Variants in SEPTIN10 observed in about 807,000 individuals in gnomAD.
SEPTIN10 encodes septin 10, also known as septin-10.
A neutral mutation model predicts 54.8 loss-of-function variants in SEPTIN10; 66 were observed. The observed-to-expected ratio is 1.21, with a 90% confidence interval of 0.99 to 1.48. The LOEUF is 1.48. Among genes scored for constraint, SEPTIN10 ranks in the 40% most tolerant of loss-of-function variants. SEPTIN10 has a pLI of 0.00. For synonymous variants in SEPTIN10, 161 were observed against 181.0 expected (o/e 0.89, Z 0.89); for missense variants, 620 against 545.6 (o/e 1.14, Z -1.36).
chr2:109,586,935 G>A (rs1208951200), intron 2 of SEPTIN10, among the ~76,000 whole-genome samples: 3 of 152,088 alleles, frequency 2.0e-5, no homozygotes, highest in African/African-American at 7.2e-5. Flanking sequence ...AGACTCTGCA[G>A]AAGAAGAAAA....
At chr2:109,545,935 T>C (rs970955440) in intron 10 of SEPTIN10, 115 bp downstream of exon 10, 1 of 1,459,224 alleles carries the variant, frequency 6.9e-7, no homozygotes, top group Non-Finnish European at 9.1e-7. Context: ...TGACATTTAG[T>C]TGGAGAAGGA....
intron 5 of SEPTIN10, among the ~76,000 whole-genome samples, chr2:109,569,454 A>G (rs1199016714): frequency 6.7e-6 from 1 of 150,320 alleles, no homozygotes; most frequent in Non-Finnish European, 1.5e-5. Flanking sequence ...AAAAAAAAAA[A>G]AGGAAAAAAT....
intron 1 of SEPTIN10, among the ~76,000 whole-genome samples, chr2:109,609,600 A>G (rs1698779943): frequency 7.1e-6 from 1 of 140,730 alleles, no homozygotes; most frequent in African/African-American, 2.7e-5. Flanking sequence ...TGGGTGACAG[A>G]GCAAGACTCC....
intron 10 of SEPTIN10, chr2:109,545,271 A>G: frequency 7.1e-7 from 1 of 1,403,972 alleles, no homozygotes; most frequent in Non-Finnish European, 9.3e-7. Flanking sequence ...TTAAACCGAC[A>G]GGGATACTTA....
chr2:109,572,758 AGGCATGTGCCATCATGCC>A (rs1688717865), intron 5 of SEPTIN10, among the ~76,000 whole-genome samples: 1 of 151,934 alleles, frequency 6.6e-6, no homozygotes, highest in African/African-American at 2.4e-5. Context: ...CTGGGGCTAC[AGGCATGTGCCATCATGCC>A]TGGCTAATTT....
intron 10 of SEPTIN10, chr2:109,545,469 C>T (rs892474727): frequency 1.1e-5 from 17 of 1,536,122 alleles, no homozygotes; most frequent in Middle Eastern, 1.7e-4. Flanking sequence ...CCTTTCTCTG[C>T]GTCTTTACGT....
intron 2 of SEPTIN10, among the ~76,000 whole-genome samples, chr2:109,591,722 A>AC (rs917413950): frequency 1.3e-5 from 2 of 151,718 alleles, no homozygotes; most frequent in African/African-American, 4.8e-5. Context: ...CACGAGCAAA[A>AC]CCCCGTCTCT....
chr2:109,571,858 A>T (rs1021382534), intron 5 of SEPTIN10, among the ~76,000 whole-genome samples: 1 of 152,222 alleles, frequency 6.6e-6, no homozygotes, highest in Non-Finnish European at 1.5e-5. Context: ...CTGAAAATCC[A>T]CTAAGGGACT....
chr2:109,584,024 A>T (rs2105747625), intron 4 of SEPTIN10, among the ~76,000 whole-genome samples: 1 of 152,286 alleles, frequency 6.6e-6, no homozygotes, highest in African/African-American at 2.4e-5. Context: ...AGGCTGAAAA[A>T]CTAACTATTG....
intron 5 of SEPTIN10, among the ~76,000 whole-genome samples, chr2:109,570,148 A>G (rs962505184): frequency 3.3e-5 from 5 of 152,304 alleles, no homozygotes; most frequent in African/African-American, 1.2e-4. Flanking sequence ...TAGTTTGTAC[A>G]ATAGAAAGCT....
In SEPTIN10 at chr2:109,546,124, A is replaced by G; in HGVS notation, c.1275T>C (p.Ala425=). 2 of 1,611,314 alleles carry G rather than the reference A, an allele frequency of 1.2e-6. No individual in the cohort carries two copies. Residue 425 remains alanine, a synonymous_variant, in exon 10 of 11, where the codon GCT becomes GCC. Coordinates refer to ENST00000397712, the MANE Select transcript of SEPTIN10 (RefSeq NM_144710.5). ...ACTGGCTGTGAAATATCTCGGAGGT[A>G]GCTTTCTTTTTAGAGAAAGCAATTA... The part of the protein sequence containing the change: ...EEIIAFSKKK[A]TSEIFHSQSF...
chr2:109,544,564 G>A lies in SEPTIN10; in HGVS notation c.1350-240C>T, dbSNP rs547911141. On this transcript the variant is annotated intron_variant, in intron 10 of 10. Coordinates refer to ENST00000397712, the MANE Select transcript of SEPTIN10 (RefSeq NM_144710.5). ...GCAGGGTTCTCAAGTGGAGCAGGGT[G>A]ATAATTTTTACAAGGTAAATGTAAA... 15 of 982,914 alleles carry A rather than the reference G, an allele frequency of 1.5e-5. No homozygotes were observed. The Admixed American group carries it at 8.6e-4, about 56-fold the overall frequency. The allele number at this position is 982,914 out of a possible 1,614,324, so 60.9% of individuals were successfully genotyped here.
chr2:109,572,553 T>C (rs1688647040), intron 5 of SEPTIN10, among the ~76,000 whole-genome samples: 1 of 151,176 alleles, frequency 6.6e-6, no homozygotes, highest in Non-Finnish European at 1.5e-5. Context: ...TCCTAACCCC[T>C]CTTGACTGCC....
At position 109,613,860 on chromosome 2, in the gene SEPTIN10, A is replaced by G. The variant is rs953110767; in HGVS notation, c.-33T>C. The G allele has an allele frequency of 1.5e-5, 18 of 1,233,180 alleles. No individual in the cohort carries two copies. In the African/African-American group the frequency reaches 2.6e-4, roughly 18 times the overall value. The allele number at this position is 1,233,180 out of a possible 1,614,324, so 76.4% of individuals were successfully genotyped here. A position where few individuals can be genotyped will look rare whatever the true frequency, so the allele number is the denominator to read the frequency against. ...GGCAGGGGCACGGTGAAGCGGCTGT[A>G]TCAGCCCGGCCCCGAGCGGCTGGTC... On this transcript the variant is annotated 5_prime_UTR_variant, in exon 1 of 11. Coordinates refer to ENST00000397712, the MANE Select transcript of SEPTIN10 (RefSeq NM_144710.5).
At chr2:109,572,359 T>TCA (rs2105376557) in intron 5 of SEPTIN10, among the ~76,000 whole-genome samples, 1 of 152,176 alleles carries the variant, frequency 6.6e-6, no homozygotes, top group East Asian at 1.9e-4. Flanking sequence ...GGTCTCGATC[T>TCA]CCTGACCTTG....
At chr2:109,610,902 A>C (rs1041927049) in intron 1 of SEPTIN10, among the ~76,000 whole-genome samples, 4 of 152,208 alleles carry the variant, frequency 2.6e-5, no homozygotes, top group African/African-American at 4.8e-5. Context: ...ACAGAACTAG[A>C]ATAGCTAAAA....
chr2:109,549,794 T>C (rs917467351), intron 9 of SEPTIN10, among the ~76,000 whole-genome samples: 1 of 152,138 alleles, frequency 6.6e-6, no homozygotes, highest in Non-Finnish European at 1.5e-5. Flanking sequence ...CTAACAATAA[T>C]AATTAATAAT....
At chr2:109,607,796 T>C (rs562738395) in intron 1 of SEPTIN10, among the ~76,000 whole-genome samples, 1 of 152,242 alleles carries the variant, frequency 6.6e-6, no homozygotes, top group East Asian at 1.9e-4. Flanking sequence ...TGTTCACCCC[T>C]AGGGAAACTC....
chr2:109,573,753 C>A (rs1045106187), intron 5 of SEPTIN10, among the ~76,000 whole-genome samples: 10 of 152,090 alleles, frequency 6.6e-5, no homozygotes, highest in Non-Finnish European at 1.2e-4. Flanking sequence ...CTGTCTTTAG[C>A]CATTTTTTAA....
Sources: allele counts gnomAD v4.1 joint callset (sites outside exome capture counted in the v4.1 genomes callset), GRCh38; gene constraint gnomAD v4.1.1; transcripts MANE v1.5; gene names NCBI Gene and HGNC (gene_info 2026-07-23, HGNC 2026-07-21).